Variants in HERC1 observed in about 807,000 individuals in gnomAD.
The protein encoded by HERC1 is HECT and RLD domain containing E3 ubiquitin protein ligase family member 1, also known as probable E3 ubiquitin-protein ligase HERC1.
In HERC1, 160 loss-of-function variants were observed where a neutral mutation model predicts 554.3. The observed-to-expected ratio is 0.29, with a 90% CI of 0.25 to 0.33. HERC1 has a LOEUF of 0.33. Among genes scored for constraint, HERC1 ranks in the 10% least tolerant of loss-of-function variants. The pLI is 1.00. For synonymous variants in HERC1, 2,175 were observed against 2,131.7 expected (o/e 1.02, Z -0.56); for missense variants, 4,919 against 5,918.5 (o/e 0.83, Z 5.54).
At chr15:63,787,960 C>CA (rs375499946) in intron 1 of HERC1, among the ~76,000 whole-genome samples, 1,266 of 44,638 alleles carry the variant, frequency 0.028, 29 homozygotes, top group African/African-American at 0.053. Context: ...GACCCTGTCT[C>CA]AAAAAAAAAA....
chr15:63,663,125 C>T lies in HERC1; in HGVS notation c.8760G>A (p.Ala2920=), dbSNP rs373686089. The T allele has an allele frequency of 1.7e-5, 28 of 1,613,872 alleles. No individual in the cohort carries two copies. Among genetic ancestry groups the T allele is most frequent in the African/African-American group, 9.3e-5 (7 of 74,920 alleles). Residue 2920 remains alanine (A), a synonymous_variant, in exon 44 of 78, where the codon GCG becomes GCA. Transcript: ENST00000443617. The part of the protein sequence containing the change: ...EGISLQQDPG[A]LYDFNLDEEL... ...CCTCATCTAAATTAAAGTCATACAACGCCCCTGGGTCTTGCTGCAAAGATA... is the reference window on the plus strand; with the variant it reads ...CCTCATCTAAATTAAAGTCATACAATGCCCCTGGGTCTTGCTGCAAAGATA...
intron 37 of HERC1, 131 bp from the exon 38 acceptor site, chr15:63,675,248 G>A: frequency 1.5e-6 from 1 of 684,412 alleles, no homozygotes; most frequent in Admixed American, 3.2e-5. Flanking sequence ...ACAAACTAGA[G>A]AAATCATTAC....
At chr15:63,729,971 A>C (rs1343390554) in intron 14 of HERC1, among the ~76,000 whole-genome samples, 1 of 146,446 alleles carries the variant, frequency 6.8e-6, no homozygotes, top group Non-Finnish European at 1.5e-5. Context: ...GGTTGCAGTG[A>C]GCCAAGATCA....
intron 67 of HERC1, 65 bp from the exon 68 acceptor site, chr15:63,632,876 A>AATGGC: frequency 1.8e-6 from 2 of 1,107,064 alleles, no homozygotes; most frequent in Non-Finnish European, 2.6e-6. Flanking sequence ...GAATTTGCCT[A>AATGGC]ATGGCATGTA....
chr15:63,646,311 G>A (rs1206404353), intron 55 of HERC1, among the ~76,000 whole-genome samples: 2 of 152,098 alleles, frequency 1.3e-5, no homozygotes, highest in African/African-American at 2.4e-5. Context: ...ATTTGAACAG[G>A]AGGTATTACC....
chr15:63,614,504 C>A (rs2067732277), intron 76 of HERC1, among the ~76,000 whole-genome samples: 2 of 152,304 alleles, frequency 1.3e-5, no homozygotes, highest in Non-Finnish European at 2.9e-5. Flanking sequence ...ACTGACAAGA[C>A]CCAACTTCAC....
chr15:63,670,234 G>A (rs2070837965), intron 39 of HERC1, among the ~76,000 whole-genome samples: 1 of 152,190 alleles, frequency 6.6e-6, no homozygotes, highest in African/African-American at 2.4e-5. Context: ...TATGTCAGCG[G>A]CACAGTCGGG....
chr15:63,650,561 G>A (rs1184865446), intron 53 of HERC1, among the ~76,000 whole-genome samples: 1 of 151,992 alleles, frequency 6.6e-6, no homozygotes, highest in East Asian at 1.9e-4. Context: ...GAGGTTCCAG[G>A]CATATGTCAC....
At chr15:63,723,449 TAAACTTC>T in intron 18 of HERC1, 94 bp from the exon 19 acceptor site, 1 of 910,128 alleles carries the variant, frequency 1.1e-6, no homozygotes, top group Non-Finnish European at 1.6e-6. Flanking sequence ...TATGAAATGA[TAAACTTC>T]AAACCATTTT....
intron 37 of HERC1, among the ~76,000 whole-genome samples, chr15:63,676,751 G>A (rs62014180): frequency 5.9e-5 from 9 of 152,058 alleles, no homozygotes; most frequent in South Asian, 2.1e-4. Flanking sequence ...GCGAGATTCC[G>A]TCTCAAAAAA....
chr15:63,642,231 G>A (rs952172706), intron 59 of HERC1, among the ~76,000 whole-genome samples: 7 of 152,210 alleles, frequency 4.6e-5, no homozygotes, highest in African/African-American at 1.7e-4. Flanking sequence ...CACAGCAGGG[G>A]ACCAGCAGTT....
chr15:63,645,922 C>T lies in HERC1; in HGVS notation c.10879-240G>A, dbSNP rs74020820. On this transcript the variant is annotated intron_variant, in intron 55 of 77. Coordinates refer to ENST00000443617, the MANE Select transcript of HERC1 (RefSeq NM_003922.4). ...GCAGTTAAAGCTCAACAAATGTTAG[C>T]AGGATAAATGAATTATGAAATTCTG... Among the ~76,000 whole-genome samples, 23,857 of 152,082 alleles carry T rather than the reference C, an allele frequency of 0.16. 2,202 individuals are homozygous for T. Among genetic ancestry groups the T allele is most frequent in the Middle Eastern group, 0.21 (63 of 294 alleles).
At chr15:63,826,416 A>G (rs886076599) in intron 1 of HERC1, among the ~76,000 whole-genome samples, 4 of 152,144 alleles carry the variant, frequency 2.6e-5, no homozygotes, top group Non-Finnish European at 5.9e-5. Context: ...ATCAATACGT[A>G]CTGTATATAC....
intron 34 of HERC1, among the ~76,000 whole-genome samples, chr15:63,684,656 T>TA (rs1249862456): frequency 6.6e-6 from 1 of 152,152 alleles, no homozygotes; most frequent in Non-Finnish European, 1.5e-5. Flanking sequence ...GGGAGGGCAT[T>TA]AATGATCTGT....
chr15:63,794,307 C>A (rs981975782), intron 1 of HERC1, among the ~76,000 whole-genome samples: 1 of 152,164 alleles, frequency 6.6e-6, no homozygotes, highest in Non-Finnish European at 1.5e-5. Flanking sequence ...GATCCAAGAA[C>A]CCTCTCCTGG....
At chr15:63,755,845 G>A (rs940180066) in intron 5 of HERC1, among the ~76,000 whole-genome samples, 5 of 152,066 alleles carry the variant, frequency 3.3e-5, no homozygotes, top group African/African-American at 1.2e-4. Context: ...GAAGATATGA[G>A]CTCAGTTTCT....
At position 63,752,955 on chromosome 15, in the gene HERC1, T is replaced by C. The variant is rs900572379; in HGVS notation, c.1902+3A>G. 3.7e-6 allele frequency: 6 copies of C among 1,613,254 alleles called. No individual in the cohort carries two copies. The African/African-American group carries it at 4.0e-5, about 11-fold the overall frequency. On this transcript the variant is annotated splice_donor_region_variant and intron_variant, in intron 8 of 77. Transcript: ENST00000443617. The stretch of plus-strand genomic sequence containing the variant: ...GTCTTTTATACTCATCCCTTAGTCC[T>C]ACCTGCCCTGTTGATGTCAAAGCAA...
Position 63,636,094 on chromosome 15 carries a change from G to C in HERC1, c.12281C>G (p.Ser4094Cys). Residue 4094 changes from serine (S) to cysteine (C), a missense_variant, in exon 65 of 78, where the codon TCT becomes TGT. Around this residue, in one of 11 missense-constraint regions of HERC1, gnomAD observed 122 missense variants for 195.2 expected, o/e 0.63. Transcript: ENST00000443617. Reference protein sequence around the residue: ...LVTSCGSDGHSMALTESGEVF... With the variant: ...LVTSCGSDGHCMALTESGEVF... The stretch of plus-strand genomic sequence containing the variant: ...CTCACCACTTTCAGTTAGGGCCATA[G>C]AGTGCCCATCAGAACCACAGGAAGT... The C allele has an allele frequency of 1.2e-6, 2 of 1,613,750 alleles. No individual in the cohort carries two copies. The highest frequency in any genetic ancestry group is 1.7e-6 in the Non-Finnish European group (2 of 1,179,858).
At chr15:63,729,762 C>T in intron 14 of HERC1, 113 bp from the exon 15 acceptor site, 1 of 985,596 alleles carries the variant, frequency 1.0e-6, no homozygotes, top group Non-Finnish European at 1.5e-6. Flanking sequence ...GTGACTCACA[C>T]CTGTAATCCC....
Sources: gnomAD v4.1 joint callset for allele counts (sites outside exome capture counted in the v4.1 genomes callset) on GRCh38, gnomAD v4.1.1 for gene constraint, gnomAD v4.1.1 regional missense constraint, MANE v1.5 for transcripts, NCBI Gene and HGNC (gene_info 2026-07-23, HGNC 2026-07-21) for gene names.